MIPOL1: variants seen among roughly 807,000 people sequenced by gnomAD.
The protein encoded by MIPOL1 is mirror-image polydactyly 1, also known as mirror-image polydactyly gene 1 protein.
A neutral mutation model predicts 60.9 loss-of-function variants in MIPOL1; 57 were observed. The ratio of observed to expected loss-of-function variants is 0.94; its 90% CI spans 0.76 to 1.17. The LOEUF (loss-of-function observed/expected upper bound fraction) is 1.17. MIPOL1 is among the 50% of genes most tolerant of loss of function. MIPOL1 has a pLI of 0.00. For synonymous variants in MIPOL1, 179 were observed against 168.8 expected (o/e 1.06, Z -0.47); for missense variants, 551 against 511.6 (o/e 1.08, Z -0.74).
intron 12 of MIPOL1, among the ~76,000 whole-genome samples, chr14:37,531,692 TAG>T (rs2095480401): frequency 6.6e-6 from 1 of 152,318 alleles, no homozygotes; most frequent in South Asian, 2.1e-4. Flanking sequence ...TCATGTTTTG[TAG>T]AGTTTTTGAA....
intron 1 of MIPOL1, among the ~76,000 whole-genome samples, chr14:37,205,148 G>C (rs1360578752): frequency 6.6e-6 from 1 of 151,624 alleles, no homozygotes; most frequent in Non-Finnish European, 1.5e-5. Context: ...TTATTGTCCA[G>C]GCTGGGGTGC....
rs567129826 is a variant in MIPOL1, at chr14:37,315,481, G to A, written c.828+6962G>A. 6.6e-5 allele frequency among the ~76,000 whole-genome samples: 10 copies of A among 152,322 alleles called. No homozygotes were observed. In the South Asian group the frequency reaches 1.2e-3, roughly 19 times the overall value. On this transcript the variant is annotated intron_variant, in intron 9 of 12. Coordinates refer to ENST00000684589, the MANE Select transcript of MIPOL1 (RefSeq NM_001388067.1). ...GAAATAGTCTAAGCAAAAGATGAAA[G>A]TGATGGTGGTTCAGAGGAACAAGTG... is the stretch of plus-strand genomic sequence containing the variant.
intron 11 of MIPOL1, among the ~76,000 whole-genome samples, chr14:37,457,076 T>C (rs888257469): frequency 1.3e-5 from 2 of 152,272 alleles, no homozygotes; most frequent in East Asian, 3.9e-4. Flanking sequence ...AGACTCGTCA[T>C]GAAAAGATAA....
At chr14:37,245,118 T>C (rs924158459) in intron 1 of MIPOL1, among the ~76,000 whole-genome samples, 20 of 152,262 alleles carry the variant, frequency 1.3e-4, no homozygotes, top group African/African-American at 4.1e-4. Flanking sequence ...TTAATATTCA[T>C]AATGTCAGCT....
chr14:37,317,595 A>T (rs8006335), intron 9 of MIPOL1, among the ~76,000 whole-genome samples: 33,298 of 152,078 alleles, frequency 0.22, 4,128 homozygotes, highest in South Asian at 0.36. Flanking sequence ...GATGAGGCAC[A>T]TAGAAAGAAA....
chr14:37,323,746 T>C (rs979001043), intron 9 of MIPOL1, among the ~76,000 whole-genome samples: 6 of 152,012 alleles, frequency 3.9e-5, no homozygotes, highest in African/African-American at 1.2e-4. Context: ...GAAAGTTCCC[T>C]CATTTATATT....
intron 9 of MIPOL1, among the ~76,000 whole-genome samples, chr14:37,333,807 A>G (rs1313211898): frequency 6.6e-6 from 1 of 152,078 alleles, no homozygotes; most frequent in Non-Finnish European, 1.5e-5. Flanking sequence ...TTCTTTCTGT[A>G]ATTGACAGAC....
At chr14:37,393,890 T>C (rs1383222611) in intron 10 of MIPOL1, among the ~76,000 whole-genome samples, 2 of 150,588 alleles carry the variant, frequency 1.3e-5, no homozygotes, top group African/African-American at 4.9e-5. Flanking sequence ...ATTGTATCAT[T>C]CTTATGCCTT....
intron 12 of MIPOL1, among the ~76,000 whole-genome samples, chr14:37,537,902 A>C (rs1284522167): frequency 6.6e-6 from 1 of 152,252 alleles, no homozygotes; most frequent in Non-Finnish European, 1.5e-5. Context: ...AAGTATCATA[A>C]CAGTCTAGAA....
intron 9 of MIPOL1, among the ~76,000 whole-genome samples, chr14:37,315,226 A>G (rs1383967239): frequency 1.3e-5 from 2 of 152,210 alleles, no homozygotes; most frequent in Non-Finnish European, 2.9e-5. Context: ...ATTCCATTAG[A>G]AAAGAAGAGA....
intron 1 of MIPOL1, among the ~76,000 whole-genome samples, chr14:37,200,664 G>GTTTTT (rs559596328): frequency 2.7e-5 from 3 of 111,220 alleles, no homozygotes; most frequent in Non-Finnish European, 3.8e-5. Flanking sequence ...TTCCCAGTTA[G>GTTTTT]TTTTTTTTTT....
chr14:37,379,254 T>C (rs1259380326), intron 10 of MIPOL1, among the ~76,000 whole-genome samples: 1 of 152,072 alleles, frequency 6.6e-6, no homozygotes, highest in Non-Finnish European at 1.5e-5. Flanking sequence ...CAACTGGCTA[T>C]TCATATGCAA....
At chr14:37,281,229 T>C (rs1462824589) in intron 6 of MIPOL1, among the ~76,000 whole-genome samples, 2 of 152,230 alleles carry the variant, frequency 1.3e-5, no homozygotes, top group Non-Finnish European at 2.9e-5. Context: ...CATGTGGATA[T>C]CTAATTTTCC....
chr14:37,450,444 C>T (rs538579126), intron 11 of MIPOL1, among the ~76,000 whole-genome samples: 1 of 152,220 alleles, frequency 6.6e-6, no homozygotes, highest in African/African-American at 2.4e-5. Flanking sequence ...TATTCTTTCT[C>T]TTTTCTTGCT....
intron 9 of MIPOL1, among the ~76,000 whole-genome samples, chr14:37,311,860 T>C (rs79684714): frequency 0.011 from 1,601 of 152,294 alleles, 31 homozygotes; most frequent in African/African-American, 0.036. Context: ...AGTGTCCTTA[T>C]GTTCCATGAT....
intron 12 of MIPOL1, chr14:37,523,339 T>C (rs2095426185): frequency 3.1e-6 from 1 of 321,370 alleles, no homozygotes; most frequent in Non-Finnish European, 5.7e-6. Flanking sequence ...ATTTTTTAAA[T>C]GGTGATCTAG....
intron 6 of MIPOL1, among the ~76,000 whole-genome samples, chr14:37,272,053 T>G (rs1054503434): frequency 1.3e-5 from 2 of 151,570 alleles, no homozygotes; most frequent in African/African-American, 2.4e-5. Context: ...ATTCATAACA[T>G]GGAAATAATT....
intron 10 of MIPOL1, among the ~76,000 whole-genome samples, chr14:37,407,845 CTTTTTTTTTT>C (rs35133543): frequency 2.3e-5 from 2 of 88,796 alleles, no homozygotes; most frequent in African/African-American, 8.9e-5. Context: ...TCTTCTTCTT[CTTTTTTTTTT>C]TTTTTTTTTT....
rs552383963 is a variant in MIPOL1 at position 37,357,664 on chromosome 14, C to T, written c.829-11853C>T. ...CCTTATATATCCTGGTTGTTAATTC[C>T]TTGTCAGATGGATAGTTTGCAAATA... is the stretch of plus-strand genomic sequence containing the variant. On this transcript the variant is annotated intron_variant, in intron 9 of 12. Coordinates refer to ENST00000684589, the MANE Select transcript of MIPOL1 (RefSeq NM_001388067.1). Among the ~76,000 whole-genome samples, 4 of 151,930 alleles carry T rather than the reference C, an allele frequency of 2.6e-5. No homozygotes were observed. In the South Asian group the frequency reaches 8.3e-4, roughly 32 times the overall value.
Sources: allele counts gnomAD v4.1 joint callset (sites outside exome capture counted in the v4.1 genomes callset), GRCh38; gene constraint gnomAD v4.1.1; transcripts MANE v1.5; gene names NCBI Gene and HGNC (gene_info 2026-07-23, HGNC 2026-07-21).